Variants in BICC1 observed in about 807,000 individuals in gnomAD.
The protein encoded by BICC1 is protein bicaudal C homolog 1.
In BICC1, 43 loss-of-function variants were observed where a neutral mutation model predicts 111.0. The ratio of observed to expected loss-of-function variants is 0.39; its 90% CI spans 0.30 to 0.50. BICC1 has a LOEUF of 0.50. BICC1 is among the 20% of genes least tolerant of loss of function. The probability of loss-of-function intolerance (pLI) is 0.88; values close to 1 mark genes in which losing one functional copy is unlikely to be tolerated. For missense variants in BICC1, 1,091 were observed against 1,203.2 expected (o/e 0.91, Z 1.38); for synonymous variants, 467 against 434.4 (o/e 1.07, Z -0.93).
intron 15 of BICC1, among the ~76,000 whole-genome samples, chr10:58,805,891 T>C (rs1843694694): frequency 6.6e-6 from 1 of 152,200 alleles, no homozygotes; most frequent in Non-Finnish European, 1.5e-5. Flanking sequence ...TTCAAAATGA[T>C]CTATCTTAGT....
chr10:58,598,623 A>G (rs965463929), intron 1 of BICC1, among the ~76,000 whole-genome samples: 11 of 152,312 alleles, frequency 7.2e-5, no homozygotes, highest in African/African-American at 2.4e-4. Context: ...TAAAACACCA[A>G]AAGCGATGGC....
intron 3 of BICC1, among the ~76,000 whole-genome samples, chr10:58,704,972 A>G (rs1043803238): frequency 5.9e-5 from 9 of 152,300 alleles, no homozygotes; most frequent in East Asian, 1.9e-4. Flanking sequence ...AGCTCTGTCT[A>G]AACTTTACTT....
At chr10:58,698,164 G>A (rs377099505) in intron 2 of BICC1, among the ~76,000 whole-genome samples, 1 of 152,168 alleles carries the variant, frequency 6.6e-6, no homozygotes, top group Non-Finnish European at 1.5e-5. Context: ...TGTAGGGAGT[G>A]TCAGTTAAGC....
In BICC1 at chr10:58,817,614, A is replaced by T; in HGVS notation, c.2586A>T (p.Thr862=). Residue 862 remains threonine, a synonymous_variant, in exon 19 of 21, where the codon ACA becomes ACT. Coordinates refer to ENST00000373886, the MANE Select transcript of BICC1 (RefSeq NM_001080512.3). Reference sequence around the variant, plus strand: ...ACATGGACTGCATTTCCTCGCTGACAGGAAGCAATGGCTGTAACTTAAATA... The same window carrying T: ...ACATGGACTGCATTTCCTCGCTGACTGGAAGCAATGGCTGTAACTTAAATA... ...SNYMDCISSL[T]GSNGCNLNSS... 6.2e-7 allele frequency: 1 copy of T among 1,613,638 alleles called. No individual in the cohort carries two copies. The highest frequency in any genetic ancestry group is 8.5e-7 in the Non-Finnish European group (1 of 1,179,670).
chr10:58,726,775 A>G (rs1427318101), intron 3 of BICC1, among the ~76,000 whole-genome samples: 1 of 152,228 alleles, frequency 6.6e-6, no homozygotes. Flanking sequence ...TCTTAAAAAT[A>G]TATCTGTTAC....
intron 3 of BICC1, among the ~76,000 whole-genome samples, chr10:58,728,588 T>C (rs1373731433): frequency 2.6e-5 from 4 of 152,158 alleles, no homozygotes; most frequent in African/African-American, 9.7e-5. Context: ...CCTCCTCCTA[T>C]GAATCATGAA....
chr10:58,550,535 T>A (rs1198960756), intron 1 of BICC1, among the ~76,000 whole-genome samples: 1 of 152,202 alleles, frequency 6.6e-6, no homozygotes, highest in Non-Finnish European at 1.5e-5. Flanking sequence ...GATTTTCTCC[T>A]ATGTGTTCAT....
intron 4 of BICC1, among the ~76,000 whole-genome samples, chr10:58,785,698 G>A (rs991216813): frequency 2.0e-5 from 3 of 152,046 alleles, no homozygotes; most frequent in Admixed American, 6.6e-5. Context: ...CAGGCACTTC[G>A]CTAAGTACTC....
chr10:58,563,169 A>G (rs938851967), intron 1 of BICC1, among the ~76,000 whole-genome samples: 1 of 151,992 alleles, frequency 6.6e-6, no homozygotes, highest in Non-Finnish European at 1.5e-5. Context: ...AGGGATATGG[A>G]ATTGCAGGGA....
At chr10:58,694,991 C>T (rs1412757607) in intron 2 of BICC1, among the ~76,000 whole-genome samples, 2 of 152,124 alleles carry the variant, frequency 1.3e-5, no homozygotes, top group Non-Finnish European at 2.9e-5. Context: ...CTGGACTTTG[C>T]CACATATCTG....
chr10:58,795,314 A>G (rs1843318192), intron 9 of BICC1, among the ~76,000 whole-genome samples: 1 of 152,224 alleles, frequency 6.6e-6, no homozygotes, highest in African/African-American at 2.4e-5. Context: ...AAAAGATAGC[A>G]TTGATTCTAA....
At position 58,820,372 on chromosome 10, in the gene BICC1, G is replaced by A. The variant is rs1335975766; in HGVS notation, c.2698G>A (p.Asp900Asn). 11 of 1,608,280 alleles carry A rather than the reference G, an allele frequency of 6.8e-6. No homozygotes were observed. Among genetic ancestry groups the A allele is most frequent in the African/African-American group, 2.7e-5 (2 of 74,720 alleles). Residue 900 changes from aspartate (D) to asparagine (N), a missense_variant, in exon 20 of 21, where the codon GAT becomes AAT. Physicochemically the swap from Asp to Asn is conservative, Grantham distance 23. Coordinates refer to ENST00000373886, the MANE Select transcript of BICC1 (RefSeq NM_001080512.3). Reference sequence around the variant, plus strand: ...AGATTGACCTTTCTACCCACAGATCGATCTTCAGACATTCCTCACTCTCAC... The same window carrying A: ...AGATTGACCTTTCTACCCACAGATCAATCTTCAGACATTCCTCACTCTCAC... ...YTDVFQQQEI[D>N]LQTFLTLTDQ...
chr10:58,570,578 G>A, intron 1 of BICC1, among the ~76,000 whole-genome samples: 1 of 152,128 alleles, frequency 6.6e-6, no homozygotes, highest in East Asian at 1.9e-4. Flanking sequence ...TCCCATCTTT[G>A]TAGGCTTCTT....
At chr10:58,656,589 A>G (rs980724554) in intron 2 of BICC1, among the ~76,000 whole-genome samples, 51 of 151,822 alleles carry the variant, frequency 3.4e-4, no homozygotes, top group African/African-American at 1.1e-3. Flanking sequence ...ACAGAGCCAA[A>G]GACAAAAACC....
chr10:58,746,253 A>C (rs920179214), intron 3 of BICC1, among the ~76,000 whole-genome samples: 2 of 152,164 alleles, frequency 1.3e-5, no homozygotes, highest in African/African-American at 4.8e-5. Context: ...TAACTACATC[A>C]AATATTACAA....
chr10:58,716,844 T>C (rs185452710), intron 3 of BICC1, among the ~76,000 whole-genome samples: 5 of 151,524 alleles, frequency 3.3e-5, no homozygotes, highest in African/African-American at 1.2e-4. Flanking sequence ...TCACACATCC[T>C]GTATTATGAA....
intron 13 of BICC1, 68 bp from the exon 14 acceptor site, chr10:58,800,822 G>A: frequency 6.9e-7 from 1 of 1,440,592 alleles, no homozygotes; most frequent in Non-Finnish European, 9.4e-7. Flanking sequence ...TGTTTCCATT[G>A]CAGATAATTG....
intron 2 of BICC1, among the ~76,000 whole-genome samples, chr10:58,625,782 A>G (rs373862794): frequency 6.6e-6 from 1 of 152,320 alleles, no homozygotes; most frequent in East Asian, 1.9e-4. Context: ...TCTGTACCTA[A>G]AAATGGGTGC....
At chr10:58,693,641 T>C (rs1430996659) in intron 2 of BICC1, among the ~76,000 whole-genome samples, 8 of 151,790 alleles carry the variant, frequency 5.3e-5, no homozygotes, top group South Asian at 4.2e-4. Context: ...ATGTGTCTTT[T>C]GGCTGCATAA....
Sources: allele counts gnomAD v4.1 joint callset (sites outside exome capture counted in the v4.1 genomes callset), GRCh38; gene constraint gnomAD v4.1.1; transcripts MANE v1.5; gene names NCBI Gene and HGNC (gene_info 2026-07-23, HGNC 2026-07-21).